PRKD2: variants seen among roughly 807,000 people sequenced by gnomAD.
PRKD2 encodes protein kinase D2.
PRKD2 carries 22 observed loss-of-function variants against 86.0 expected under a neutral mutation model. That is an observed-to-expected ratio of 0.26 (90% CI 0.18 to 0.37). The LOEUF (loss-of-function observed/expected upper bound fraction) is 0.37, where lower values mean the gene tolerates loss of function less well. Ranked by LOEUF, PRKD2 falls within the 10% of genes least tolerant of loss-of-function variation. PRKD2 has a pLI of 1.00. For synonymous variants in PRKD2, 509 were observed against 510.9 expected, an observed-to-expected ratio of 1.00 and a Z score of 0.05; for missense variants, 818 against 1,199.2, an observed-to-expected ratio of 0.68 and a Z score of 4.70.
intron 13 of PRKD2, 105 bp from the exon 14 acceptor site, chr19:46,689,803 C>G (rs559113676): frequency 1.2e-4 from 159 of 1,360,390 alleles, no homozygotes; most frequent in Non-Finnish European, 1.5e-4. Flanking sequence ...AAGGATGTCC[C>G]TGGGGTATTG....
At chr19:46,683,766 A>G (rs552347193) in intron 14 of PRKD2, among the ~76,000 whole-genome samples, 1 of 152,320 alleles carries the variant, frequency 6.6e-6, no homozygotes, top group East Asian at 1.9e-4. Context: ...GGTTTAAAGC[A>G]TATCTAAAGA....
intron 3 of PRKD2, 30 bp downstream of exon 3, chr19:46,710,865 GAGCCCCGCCCCA>G: frequency 2.0e-6 from 3 of 1,521,044 alleles, no homozygotes; most frequent in Non-Finnish European, 1.8e-6. Context: ...CCCCGGTGCA[GAGCCCCGCCCCA>G]GGCCCCGCCC....
In PRKD2 at chr19:46,693,929, G is replaced by A; in HGVS notation, c.1522C>T (p.Leu508=). ...GCGTCCTGAAGGATGACGGGCATCAGGGCCTGGCGGATGGCTGTCTCCCAG... is the reference window on the plus strand; with the variant it reads ...GCGTCCTGAAGGATGACGGGCATCAAGGCCTGGCGGATGGCTGTCTCCCAG... The part of the protein sequence containing the change: ...RGWETAIRQA[L]MPVILQDAPS... Residue 508 remains leucine, a synonymous_variant, in exon 10 of 18, where the codon CTG becomes TTG. Transcript: ENST00000291281. This position sits in a 1 kb window ranked among gnomAD's most constrained non-coding sequence, Gnocchi z 4.5. The A allele has an allele frequency of 1.2e-6, 2 of 1,610,568 alleles. No individual in the cohort carries two copies. Among genetic ancestry groups the A allele is most frequent in the Non-Finnish European group, 8.5e-7 (1 of 1,179,620 alleles).
chr19:46,690,855 G>A (rs2053473901), intron 12 of PRKD2, 149 bp from the exon 13 acceptor site: 2 of 633,870 alleles, frequency 3.2e-6, no homozygotes, highest in Non-Finnish European at 5.5e-6. Flanking sequence ...TACGTGAAAA[G>A]GCCACCTGAG....
Position 46,701,023 on chromosome 19 carries a change from C to A in PRKD2, c.967+12G>T. The A allele has an allele frequency of 6.2e-7, 1 of 1,614,244 alleles. No homozygotes were observed. The highest frequency in any genetic ancestry group is 8.5e-7 in the Non-Finnish European group (1 of 1,180,042). On this transcript the variant is annotated intron_variant, in intron 6 of 17. Transcript: ENST00000291281. ...CTTCCCCTTTCTCCCCAGCATCCCCCCAGCCTCTCACCTCCATTGATAAGG... is the reference window on the plus strand; with the variant it reads ...CTTCCCCTTTCTCCCCAGCATCCCCACAGCCTCTCACCTCCATTGATAAGG...
At chr19:46,677,988 TG>T (rs2053236090) in intron 16 of PRKD2, among the ~76,000 whole-genome samples, 1 of 152,136 alleles carries the variant, frequency 6.6e-6, no homozygotes, top group African/African-American at 2.4e-5. Flanking sequence ...CTGACCCTTT[TG>T]GGGTCGTAAA....
chr19:46,703,958 A>AACAACACACACACACACACACACAC (rs1555830816), intron 5 of PRKD2, among the ~76,000 whole-genome samples: 3 of 133,658 alleles, frequency 2.2e-5, no homozygotes, highest in Admixed American at 7.6e-5. Flanking sequence ...AAACAACAAC[A>AACAACACACACACACACACACACAC]ACACACACAC....
rs1159306440 is a variant in PRKD2 at position 46,680,924 on chromosome 19, C to CTATA, written c.2070+722_2070+725dup. On this transcript the variant is annotated intron_variant, in intron 15 of 17. Transcript: ENST00000291281. ...ATAAAGTGCTATATGTTGGGATAAA[C>CTATA]TATATATATATATATATATATATTT... 4.8e-4 allele frequency among the ~76,000 whole-genome samples: 35 copies of CTATA among 72,446 alleles called. 1 individual carries two copies. The highest frequency in any genetic ancestry group is 1.2e-3 in the African/African-American group (25 of 21,474). The allele number at this position is 72,446 out of a possible 152,430, so 47.5% of individuals were successfully genotyped here.
intron 12 of PRKD2, 32 bp downstream of exon 12, chr19:46,691,703 C>T (rs1341248245): frequency 6.2e-7 from 1 of 1,608,954 alleles, no homozygotes; most frequent in Non-Finnish European, 8.5e-7. Flanking sequence ...CAGCCCGGGG[C>T]TCCCTCTGGG....
At position 46,697,841 on chromosome 19, in the gene PRKD2, C is replaced by A; in HGVS notation, c.1131G>T (p.Gly377=). ...GEGGKAQSSL[G]YIPLMRVVQS... is the part of the protein sequence containing the mutation. Reference sequence around the variant, plus strand: ...GCACCACCCTCATTAGGGGGATGTACCCCAGGGAGCTGCGAAGGAAGAGGA... The same window carrying A: ...GCACCACCCTCATTAGGGGGATGTAACCCAGGGAGCTGCGAAGGAAGAGGA... The change falls in exon 8 of 18, where the codon GGG becomes GGT. Residue 377 remains glycine, a synonymous_variant. Coordinates refer to ENST00000291281, the MANE Select transcript of PRKD2 (RefSeq NM_016457.5). 1 of 1,612,862 alleles carries A rather than the reference C, an allele frequency of 6.2e-7. No homozygotes were observed. Among genetic ancestry groups the A allele is most frequent in the South Asian group, 1.1e-5 (1 of 91,054 alleles).
At chr19:46,706,897 T>TC (rs1163741957) in intron 3 of PRKD2, among the ~76,000 whole-genome samples, 2 of 151,158 alleles carry the variant, frequency 1.3e-5, no homozygotes, top group East Asian at 3.9e-4. Flanking sequence ...GATTTCTTTT[T>TC]TTTTTTTTTT....
In PRKD2 at chr19:46,716,590, C is replaced by T; in HGVS notation, c.-220G>A. 1 of 405,088 alleles carries T rather than the reference C, an allele frequency of 2.5e-6. No individual in the cohort carries two copies. Among genetic ancestry groups the T allele is most frequent in the South Asian group, 8.2e-5 (1 of 12,192 alleles). The allele number at this position is 405,088 out of a possible 1,614,324, so 25.1% of individuals were successfully genotyped here. On this transcript the variant is annotated 5_prime_UTR_variant, in exon 1 of 18. Coordinates refer to ENST00000291281, the MANE Select transcript of PRKD2 (RefSeq NM_016457.5). This position sits in a 1 kb window ranked among gnomAD's most constrained non-coding sequence, Gnocchi z 7.9. ...GTCAGAGGCCCGGAATCCAGGGCTC[C>T]CAGAAGATCAGAAAGGAGAAAAGTA...
Position 46,693,773 on chromosome 19 carries a change from C to T in PRKD2, c.1576+102G>A. 1 of 1,469,588 alleles carries T rather than the reference C, an allele frequency of 6.8e-7. No homozygotes were observed. Among genetic ancestry groups the T allele is most frequent in the South Asian group, 1.3e-5 (1 of 74,990 alleles). 91.0% of individuals were successfully genotyped at this position (1,469,588 alleles called of 1,614,324 possible). ...CTGAGTCCAGAAGCTGCGTTCTCAA[C>T]CCCACCATTGCCCACTTTCCTCTTT... On this transcript the variant is annotated intron_variant, in intron 10 of 17. Transcript: ENST00000291281. The surrounding 1 kb of genome is among the most constrained non-coding windows in gnomAD (Gnocchi z 4.5).
At chr19:46,701,387 G>A (rs564619661) in intron 5 of PRKD2, among the ~76,000 whole-genome samples, 3 of 151,904 alleles carry the variant, frequency 2.0e-5, no homozygotes, top group African/African-American at 4.8e-5. Context: ...TTGGGAGGCC[G>A]GGGAGAGCAG....
chr19:46,693,767 T>A lies in PRKD2; in HGVS notation c.1576+108A>T. The A allele has an allele frequency of 6.9e-7, 1 of 1,454,028 alleles. No individual in the cohort carries two copies. Among genetic ancestry groups the A allele is most frequent in the Non-Finnish European group, 9.2e-7 (1 of 1,089,174 alleles). The allele number at this position is 1,454,028 out of a possible 1,614,324, so 90.1% of individuals were successfully genotyped here. A position where few individuals can be genotyped will look rare whatever the true frequency, so the allele number is the denominator to read the frequency against. On this transcript the variant is annotated intron_variant, in intron 10 of 17. Transcript: ENST00000291281. This position sits in a 1 kb window ranked among gnomAD's most constrained non-coding sequence, Gnocchi z 4.5. ...GGCCTGCTGAGTCCAGAAGCTGCGT[T>A]CTCAACCCCACCATTGCCCACTTTC...
intron 14 of PRKD2, among the ~76,000 whole-genome samples, chr19:46,687,766 C>T (rs550089775): frequency 6.6e-6 from 1 of 152,314 alleles, no homozygotes; most frequent in Non-Finnish European, 1.5e-5. Context: ...TCCCTGTGTC[C>T]TCAACACTGA....
intron 15 of PRKD2, among the ~76,000 whole-genome samples, chr19:46,680,946 A>ATATATATATATATATTT: frequency 1.3e-3 from 62 of 48,178 alleles, no homozygotes; most frequent in Non-Finnish European, 2.1e-3. Flanking sequence ...ATATATATAT[A>ATATATATATATATATTT]TTTTTTTTTT....
intron 3 of PRKD2, 113 bp downstream of exon 3, chr19:46,710,794 C>G: frequency 1.7e-6 from 2 of 1,196,746 alleles, no homozygotes; most frequent in Non-Finnish European, 2.3e-6. Flanking sequence ...GCTGCGCCCC[C>G]AGCTCTGAGA....
In PRKD2 at chr19:46,674,705, G is replaced by A; in HGVS notation, c.2455C>T (p.Leu819=). The A allele has an allele frequency of 6.2e-7, 1 of 1,605,606 alleles. No homozygotes were observed. ...EYQTWLDLRE[L]EGKMGERYIT... ...TATCGCTCTCCCATCTTCCCCTCCA[G>A]CTCTCGGAGGTCCAGCCACGTCTGG... is the stretch of plus-strand genomic sequence containing the variant. Residue 819 remains leucine (L), a synonymous_variant, in exon 18 of 18, where the codon CTG becomes TTG. Transcript: ENST00000291281.
Sources: allele counts gnomAD v4.1 joint callset (sites outside exome capture counted in the v4.1 genomes callset), GRCh38; gene constraint gnomAD v4.1.1; non-coding constraint Gnocchi (gnomAD v3.1); transcripts MANE v1.5; gene names NCBI Gene and HGNC (gene_info 2026-07-23, HGNC 2026-07-21).